The following SNX24 variants were observed in gnomAD, a reference collection of about 807,000 sequenced individuals.
The protein encoded by SNX24 is sorting nexin 24.
A neutral mutation model predicts 28.7 loss-of-function variants in SNX24; 22 were observed. That is an observed-to-expected ratio of 0.77 (90% CI 0.55 to 1.10). The LOEUF is 1.10. Among genes scored for constraint, SNX24 ranks in the 50% least tolerant of loss-of-function variants. The probability of loss-of-function intolerance (pLI) is 0.00; values close to 1 mark genes in which losing one functional copy is unlikely to be tolerated. For synonymous variants in SNX24, 69 were observed against 71.5 expected, an observed-to-expected ratio of 0.96 and a Z score of 0.18; for missense variants, 221 against 201.1, an observed-to-expected ratio of 1.10 and a Z score of -0.60.
At chr5:122,957,449 C>T (rs770767461) in intron 3 of SNX24, among the ~76,000 whole-genome samples, 6 of 152,248 alleles carry the variant, frequency 3.9e-5, no homozygotes, top group East Asian at 1.9e-4. Context: ...TCAGGAAGTG[C>T]GAGTCTTCCA....
At chr5:122,973,912 C>G (rs1311987558) in intron 3 of SNX24, among the ~76,000 whole-genome samples, 1 of 152,224 alleles carries the variant, frequency 6.6e-6, no homozygotes, top group Non-Finnish European at 1.5e-5. Flanking sequence ...CTATCTGCCA[C>G]TGACACCTCA....
intron 1 of SNX24, among the ~76,000 whole-genome samples, chr5:122,933,527 G>A (rs1356708483): frequency 1.3e-5 from 2 of 152,194 alleles, no homozygotes; most frequent in Non-Finnish European, 2.9e-5. Flanking sequence ...GCAAGCTGAG[G>A]TAATAGTAGG....
chr5:123,002,807 GT>G (rs1173766537), intron 6 of SNX24, among the ~76,000 whole-genome samples: 1 of 152,176 alleles, frequency 6.6e-6, no homozygotes, highest in Non-Finnish European at 1.5e-5. Flanking sequence ...ATTCATCAGA[GT>G]CCCTCTCAAA....
At chr5:122,873,659 G>A (rs1010213872) in intron 1 of SNX24, among the ~76,000 whole-genome samples, 1 of 151,734 alleles carries the variant, frequency 6.6e-6, no homozygotes, top group African/African-American at 2.4e-5. Flanking sequence ...TTGAAGGCCT[G>A]AATTTTACCA....
At chr5:122,940,128 G>A (rs563352761) in intron 2 of SNX24, among the ~76,000 whole-genome samples, 141 of 151,434 alleles carry the variant, frequency 9.3e-4, no homozygotes, top group African/African-American at 3.3e-3. Context: ...CGAGTAGCTG[G>A]GATTACAGGC....
At chr5:122,935,048 C>T (rs996660802) in intron 1 of SNX24, among the ~76,000 whole-genome samples, 1 of 152,092 alleles carries the variant, frequency 6.6e-6, no homozygotes, top group African/African-American at 2.4e-5. Flanking sequence ...AGTTTTCAAC[C>T]GTCTCCCTGT....
At chr5:122,935,318 G>T (rs1759134730) in intron 1 of SNX24, among the ~76,000 whole-genome samples, 1 of 151,882 alleles carries the variant, frequency 6.6e-6, no homozygotes, top group Non-Finnish European at 1.5e-5. Context: ...TCTATTTCTG[G>T]CAAGACCTTT....
intron 2 of SNX24, among the ~76,000 whole-genome samples, chr5:122,941,438 C>G (rs181087436): frequency 6.6e-6 from 1 of 152,142 alleles, no homozygotes; most frequent in Non-Finnish European, 1.5e-5. Context: ...TTTGCCATGT[C>G]GAATGTCTTT....
chr5:122,956,082 C>T (rs370478952), intron 3 of SNX24, among the ~76,000 whole-genome samples: 2 of 151,790 alleles, frequency 1.3e-5, no homozygotes, highest in African/African-American at 4.8e-5. Context: ...TATCTCTGGG[C>T]ATTTCCTGGT....
intron 1 of SNX24, among the ~76,000 whole-genome samples, chr5:122,910,551 C>A (rs537119835): frequency 1.3e-5 from 2 of 151,040 alleles, no homozygotes; most frequent in Non-Finnish European, 1.5e-5. Context: ...ATGTGCCATG[C>A]TGGTGTGCTG....
At chr5:122,889,673 ATG>A (rs565532075) in intron 1 of SNX24, among the ~76,000 whole-genome samples, 1 of 146,806 alleles carries the variant, frequency 6.8e-6, no homozygotes, top group African/African-American at 2.5e-5. Context: ...GTATATATAT[ATG>A]TGTATATATA....
chr5:122,903,239 C>A (rs1434398907), intron 1 of SNX24, among the ~76,000 whole-genome samples: 1 of 152,144 alleles, frequency 6.6e-6, no homozygotes, highest in Non-Finnish European at 1.5e-5. Flanking sequence ...TCCCTAGTCA[C>A]TGGGACTACA....
intron 1 of SNX24, among the ~76,000 whole-genome samples, chr5:122,893,180 A>C (rs1308576218): frequency 6.6e-6 from 1 of 151,990 alleles, no homozygotes; most frequent in Non-Finnish European, 1.5e-5. Context: ...AAAAAATTCA[A>C]AGTGTTTTCT....
chr5:123,000,139 T>C, intron 4 of SNX24, 133 bp downstream of exon 4: 1 of 662,308 alleles, frequency 1.5e-6, no homozygotes, highest in Non-Finnish European at 2.7e-6. Flanking sequence ...GCTGCAGCAC[T>C]CGCTCGCCCC....
At chr5:122,902,877 C>A (rs1054798481) in intron 1 of SNX24, among the ~76,000 whole-genome samples, 3 of 152,194 alleles carry the variant, frequency 2.0e-5, no homozygotes, top group Non-Finnish European at 4.4e-5. Context: ...CCAGACTCAA[C>A]TGAGTTTCAA....
At chr5:122,847,350 A>C (rs936641016) in intron 1 of SNX24, among the ~76,000 whole-genome samples, 13 of 152,010 alleles carry the variant, frequency 8.6e-5, no homozygotes, top group Non-Finnish European at 4.4e-5. Context: ...CCAGGTTGTG[A>C]ATTAAACTGA....
At chr5:122,879,551 C>T (rs1231728565) in intron 1 of SNX24, among the ~76,000 whole-genome samples, 2 of 152,176 alleles carry the variant, frequency 1.3e-5, no homozygotes, top group African/African-American at 4.8e-5. Context: ...TCAAACTCTT[C>T]AGACTCAGTT....
chr5:122,857,875 T>C (rs1392806817), intron 1 of SNX24, among the ~76,000 whole-genome samples: 2 of 152,030 alleles, frequency 1.3e-5, no homozygotes, highest in East Asian at 1.9e-4. Flanking sequence ...CTCCGCCTCC[T>C]GGGTTCAAGC....
intron 3 of SNX24, among the ~76,000 whole-genome samples, chr5:122,973,207 A>G (rs1355087296): frequency 6.6e-6 from 1 of 152,144 alleles, no homozygotes; most frequent in African/African-American, 2.4e-5. Flanking sequence ...CAATTTTCCA[A>G]TCATGCTTCT....
Sources: gnomAD v4.1 joint callset for allele counts (sites outside exome capture counted in the v4.1 genomes callset) on GRCh38, gnomAD v4.1.1 for gene constraint, MANE v1.5 for transcripts, NCBI Gene and HGNC (gene_info 2026-07-23, HGNC 2026-07-21) for gene names.